The following TNK2 variants were observed in gnomAD, a reference collection of about 807,000 sequenced individuals.
TNK2 encodes activated CDC42 kinase 1.
Under a neutral mutation model 101.8 loss-of-function variants are expected in TNK2, and 83 were observed. That is an observed-to-expected ratio of 0.82 (90% CI 0.68 to 0.98). The LOEUF (loss-of-function observed/expected upper bound fraction) is 0.98, where lower values mean the gene tolerates loss of function less well. Among genes scored for constraint, TNK2 ranks in the 50% least tolerant of loss-of-function variants. The pLI is 0.00. For missense variants in TNK2, 1,665 were observed against 1,483.2 expected (o/e 1.12, Z -2.01); for synonymous variants, 804 against 633.0 (o/e 1.27, Z -4.06).
intron 6 of TNK2, among the ~76,000 whole-genome samples, chr3:195,881,612 G>A (rs1577063352): frequency 1.1e-5 from 1 of 89,964 alleles, no homozygotes. Context: ...CCTTGAAGAG[G>A]ACACAGCATC....
chr3:195,876,131 C>T (rs144981601), intron 9 of TNK2, among the ~76,000 whole-genome samples: 33 of 152,270 alleles, frequency 2.2e-4, no homozygotes, highest in African/African-American at 2.9e-4. Context: ...GCTCTGTATG[C>T]GGAACAAAAG....
intron 1 of TNK2, among the ~76,000 whole-genome samples, chr3:195,890,200 T>G (rs1261646411): frequency 6.6e-6 from 1 of 152,194 alleles, no homozygotes; most frequent in Non-Finnish European, 1.5e-5. Context: ...TGTAACCCTT[T>G]ACTGGAATGG....
rs558805488 is a variant in TNK2 at position 195,900,010 on chromosome 3, A to C, written c.-19+8475T>G. On this transcript the variant is annotated intron_variant, in intron 1 of 15. Coordinates refer to ENST00000672887, the MANE Select transcript of TNK2 (RefSeq NM_001382273.1). Reference sequence around the variant, plus strand: ...CCAGAGACGCCAGCACCTTTCTGGGAAGAGGGGCTGTCCATGTCATCACAA... The same window carrying C: ...CCAGAGACGCCAGCACCTTTCTGGGCAGAGGGGCTGTCCATGTCATCACAA... Among the ~76,000 whole-genome samples the C allele has an allele frequency of 1.4e-3, 207 of 152,092 alleles. 1 individual carries two copies. Among genetic ancestry groups the C allele is most frequent in the African/African-American group, 4.8e-3 (200 of 41,458 alleles).
chr3:195,904,169 G>A (rs528080159), intron 1 of TNK2, among the ~76,000 whole-genome samples: 7 of 150,702 alleles, frequency 4.6e-5, no homozygotes, highest in South Asian at 4.2e-4. Context: ...GAGGTGGGAC[G>A]ATCACCTGAG....
At position 195,868,301 on chromosome 3, in the gene TNK2, T is replaced by G; in HGVS notation, c.1997A>C (p.Asn666Thr). The G allele has an allele frequency of 1.2e-6, 2 of 1,603,716 alleles. No homozygotes were observed. The highest frequency in any genetic ancestry group is 1.7e-6 in the Non-Finnish European group (2 of 1,179,478). Reference protein sequence around the residue: ...DEDDFEICSINSTLVGAGVPA... With the variant: ...DEDDFEICSITSTLVGAGVPA... Reference sequence around the variant, plus strand: ...GACCCCCGCGCCCACGAGGGTGCTGTTGATGGAGCAGATCTCAAAGTCATC... The same window carrying G: ...GACCCCCGCGCCCACGAGGGTGCTGGTGATGGAGCAGATCTCAAAGTCATC... Residue 666 changes from asparagine to threonine, a missense_variant, in exon 13 of 16, where the codon AAC (asparagine) becomes ACC (threonine). Physicochemically the swap from Asn to Thr is moderately conservative, Grantham distance 65 (BLOSUM62 0). Transcript: ENST00000672887.
At position 195,870,188 on chromosome 3, in the gene TNK2, G is replaced by A. The variant is rs1304808729; in HGVS notation, c.1469C>T (p.Pro490Leu). ...DRIDELYLGN[P>L]MDPPDLLSVE... ...GCTCAGGAGGTCGGGGGGGTCCATG[G>A]GGTTTCCCAGATACAGTCTGTGGGG... Residue 490 changes from proline (P) to leucine (L), a missense_variant, in exon 11 of 16, where the codon CCC becomes CTC. Physicochemically the swap from Pro to Leu is moderately conservative, Grantham distance 98. Around this residue, in one of 3 missense-constraint regions of TNK2, gnomAD observed 1,136 missense variants for 894.9 expected, o/e 1.27. Transcript: ENST00000672887. 1.9e-6 allele frequency: 3 copies of A among 1,566,976 alleles called. No homozygotes were observed. The highest frequency in any genetic ancestry group is 1.8e-5 in the Admixed American group (1 of 54,704).
In TNK2 at chr3:195,867,410, C is replaced by A. The variant is rs1383391131; in HGVS notation, c.2888G>T (p.Cys963Phe). The A allele has an allele frequency of 6.2e-7, 1 of 1,604,172 alleles. No individual in the cohort carries two copies. Among genetic ancestry groups the A allele is most frequent in the African/African-American group, 1.3e-5 (1 of 74,996 alleles). ...GCCCGCCTCTGGCCCATCGCCAGGG[C>A]AGCCCCTCTGTGGCAGCCGAGCAGT... Reference protein sequence around the residue: ...RATARLPQRGCPGDGPEAGRP... With the variant: ...RATARLPQRGFPGDGPEAGRP... Residue 963 changes from cysteine (C) to phenylalanine (F), a missense_variant, in exon 13 of 16, where the codon TGC (cysteine) becomes TTC (phenylalanine). Cys to Phe is a radical substitution (Grantham distance 205). This residue lies in a region of TNK2 where 1,136 missense variants were observed against 894.9 expected (regional missense o/e 1.27). Transcript: ENST00000672887.
intron 1 of TNK2, chr3:195,892,620 C>G: frequency 1.4e-6 from 2 of 1,443,904 alleles, no homozygotes; most frequent in Non-Finnish European, 1.8e-6. Context: ...GGGGTGGGCC[C>G]CTCCGCTCTG....
chr3:195,875,803 C>T lies in TNK2; in HGVS notation c.1256+2450G>A, dbSNP rs1577034008. 2.0e-5 allele frequency among the ~76,000 whole-genome samples: 3 copies of T among 152,174 alleles called. No homozygotes were observed. In the South Asian group the frequency reaches 6.2e-4, roughly 31 times the overall value. ...CAACACCTCCGCATGAACCTTCTACCTCCTGCTGCCCCCGGGCCTCTGGTC... is the reference window on the plus strand; with the variant it reads ...CAACACCTCCGCATGAACCTTCTACTTCCTGCTGCCCCCGGGCCTCTGGTC... On this transcript the variant is annotated intron_variant, in intron 9 of 15. Coordinates refer to ENST00000672887, the MANE Select transcript of TNK2 (RefSeq NM_001382273.1).
intron 1 of TNK2, among the ~76,000 whole-genome samples, chr3:195,902,521 G>A (rs1231005090): frequency 6.6e-6 from 1 of 151,370 alleles, no homozygotes. Flanking sequence ...AGGAGGCTGA[G>A]GCAGGACAAT....
intron 10 of TNK2, among the ~76,000 whole-genome samples, chr3:195,871,348 G>A (rs1577012054): frequency 6.6e-6 from 1 of 152,122 alleles, no homozygotes; most frequent in African/African-American, 2.4e-5. Flanking sequence ...AGGCGGAGCT[G>A]CCACCTAACG....
chr3:195,887,277 C>T (rs1020683417), intron 2 of TNK2, among the ~76,000 whole-genome samples: 28 of 152,234 alleles, frequency 1.8e-4, no homozygotes, highest in African/African-American at 4.6e-4. Flanking sequence ...AAACTTGAAG[C>T]GATGGGCTTC....
Position 195,886,942 on chromosome 3 carries a change from C to T in TNK2, c.234+35G>A. The T allele has an allele frequency of 6.2e-7, 1 of 1,603,172 alleles. No homozygotes were observed. The highest frequency in any genetic ancestry group is 1.3e-5 in the African/African-American group (1 of 74,746). Reference sequence around the variant, plus strand: ...AGCGGAGGGGGGCGTTCGAGGCTGCCCCCCTCCCACCTCCTCACCCACCTC... The same window carrying T: ...AGCGGAGGGGGGCGTTCGAGGCTGCTCCCCTCCCACCTCCTCACCCACCTC... On this transcript the variant is annotated intron_variant, in intron 3 of 15. Coordinates refer to ENST00000672887, the MANE Select transcript of TNK2 (RefSeq NM_001382273.1). The surrounding 1 kb of genome is among the most constrained non-coding windows in gnomAD (Gnocchi z 4.2).
intron 2 of TNK2, among the ~76,000 whole-genome samples, chr3:195,887,829 C>T (rs1756502671): frequency 8.1e-6 from 1 of 123,584 alleles, no homozygotes; most frequent in South Asian, 2.5e-4. Flanking sequence ...CGGGTGTGCG[C>T]ACACACGTGT....
In TNK2 at chr3:195,895,608, C is replaced by T. The variant is rs914876064; in HGVS notation, c.-18-7002G>A. 23 of 1,295,280 alleles carry T rather than the reference C, an allele frequency of 1.8e-5. No individual in the cohort carries two copies. In the African/African-American group the frequency reaches 3.1e-4, roughly 17 times the overall value. The allele number at this position is 1,295,280 out of a possible 1,614,324, so 80.2% of individuals were successfully genotyped here. On this transcript the variant is annotated intron_variant, in intron 1 of 15. Coordinates refer to ENST00000672887, the MANE Select transcript of TNK2 (RefSeq NM_001382273.1). ...CCCAGTGAGCCAGCTGTGCCAGCCC[C>T]GGGCTGACCCCCACCGAGAGCCGGG... is the stretch of plus-strand genomic sequence containing the variant.
chr3:195,886,047 G>A lies in TNK2; in HGVS notation c.234+930C>T, dbSNP rs528958265. 206 of 159,882 alleles carry A rather than the reference G, an allele frequency of 1.3e-3. 1 individual carries two copies. The highest frequency in any genetic ancestry group is 4.8e-3 in the African/African-American group (199 of 41,654). The allele number at this position is 159,882 out of a possible 1,614,324, so 9.9% of individuals were successfully genotyped here. A position where few individuals can be genotyped will look rare whatever the true frequency, so the allele number is the denominator to read the frequency against. On this transcript the variant is annotated intron_variant, in intron 3 of 15. Coordinates refer to ENST00000672887, the MANE Select transcript of TNK2 (RefSeq NM_001382273.1). This position sits in a 1 kb window ranked among gnomAD's most constrained non-coding sequence, Gnocchi z 4.2. The stretch of plus-strand genomic sequence containing the variant: ...TGCCTCCTGCAGCCCCGGGAGGTGA[G>A]CTGGGCAGTGGGGACCGGTATCATT...
intron 1 of TNK2, among the ~76,000 whole-genome samples, chr3:195,902,762 T>C (rs775031520): frequency 7.2e-5 from 11 of 151,770 alleles, no homozygotes; most frequent in Admixed American, 3.3e-4. Flanking sequence ...TGTTTTGTTT[T>C]GTCTTGTGAG....
chr3:195,888,735 C>A lies in TNK2; in HGVS notation c.-18-129G>T. 1 of 894,128 alleles carries A rather than the reference C, an allele frequency of 1.1e-6. No homozygotes were observed. Among genetic ancestry groups the A allele is most frequent in the Non-Finnish European group, 1.6e-6 (1 of 610,374 alleles). The allele number at this position is 894,128 out of a possible 1,614,324, so 55.4% of individuals were successfully genotyped here. A position where few individuals can be genotyped will look rare whatever the true frequency, so the allele number is the denominator to read the frequency against. ...AGGGCTCACACCACCTTCTGACTCC[C>A]GAGGGAAGCTACCGAGAACCGCCTG... On this transcript the variant is annotated intron_variant, in intron 1 of 15. Transcript: ENST00000672887. The surrounding 1 kb of genome is among the most constrained non-coding windows in gnomAD (Gnocchi z 5.3).
At chr3:195,906,014 G>A (rs939392566) in intron 1 of TNK2, among the ~76,000 whole-genome samples, 15 of 152,110 alleles carry the variant, frequency 9.9e-5, no homozygotes, top group Admixed American at 6.6e-5. Flanking sequence ...ATGGGCAAAC[G>A]ATCTGAACAG....
Sources: allele counts gnomAD v4.1 joint callset (sites outside exome capture counted in the v4.1 genomes callset), GRCh38; gene constraint gnomAD v4.1.1; regional missense constraint gnomAD v4.1.1; non-coding constraint Gnocchi (gnomAD v3.1); transcripts MANE v1.5; gene names NCBI Gene and HGNC (gene_info 2026-07-23, HGNC 2026-07-21).